CLEC6A: variants seen among roughly 807,000 people sequenced by gnomAD.
CLEC6A encodes C-type lectin domain containing 6A.
In CLEC6A, 22 loss-of-function variants were observed where a neutral mutation model predicts 25.7. The ratio of observed to expected loss-of-function variants is 0.85; its 90% CI spans 0.61 to 1.22. The LOEUF (loss-of-function observed/expected upper bound fraction) is 1.22, where lower values mean the gene tolerates loss of function less well. Ranked by LOEUF, CLEC6A falls within the 50% of genes most tolerant of loss-of-function variation. CLEC6A has a pLI of 0.00. For synonymous variants in CLEC6A, 92 were observed against 76.7 expected, an observed-to-expected ratio of 1.20 and a Z score of -1.04; for missense variants, 240 against 236.8, an observed-to-expected ratio of 1.01 and a Z score of -0.09.
At chr12:8,461,518 G>A (rs1428305634) in intron 3 of CLEC6A, among the ~76,000 whole-genome samples, 1 of 152,102 alleles carries the variant, frequency 6.6e-6, no homozygotes, top group Non-Finnish European at 1.5e-5. Context: ...TGCCCCCTAA[G>A]TATATCCAAT....
intron 3 of CLEC6A, chr12:8,460,797 T>A: frequency 7.9e-7 from 1 of 1,272,298 alleles, no homozygotes; most frequent in Non-Finnish European, 1.1e-6. Flanking sequence ...AAGGTTACCT[T>A]ATATATAGGA....
At chr12:8,461,349 A>G (rs1014202660) in intron 3 of CLEC6A, 4 of 451,870 alleles carry the variant, frequency 8.9e-6, no homozygotes, top group African/African-American at 5.9e-5. Flanking sequence ...CTTCTCACCT[A>G]TGTGGAACAC....
chr12:8,474,736 A>G (rs1939947451), intron 4 of CLEC6A, among the ~76,000 whole-genome samples: 1 of 152,204 alleles, frequency 6.6e-6, no homozygotes, highest in African/African-American at 2.4e-5. Flanking sequence ...TTATAGGAAA[A>G]CAATCTGGAC....
intron 4 of CLEC6A, among the ~76,000 whole-genome samples, chr12:8,473,380 A>G (rs1207237971): frequency 1.3e-5 from 2 of 152,182 alleles, no homozygotes; most frequent in African/African-American, 4.8e-5. Context: ...CTCCAGCTGC[A>G]TCCATGTTGC....
Position 8,459,702 on chromosome 12 carries a change from A to T in CLEC6A, c.223+4A>T. The stretch of plus-strand genomic sequence containing the variant: ...AGTGAAGGGACAAAGGTGCCAGGTA[A>T]ATCTTTAAAATACTGAAATAGACTT... On this transcript the variant is annotated splice_donor_region_variant and intron_variant, in intron 3 of 5. Transcript: ENST00000382073. The T allele has an allele frequency of 6.4e-7, 1 of 1,564,002 alleles. No homozygotes were observed. Among genetic ancestry groups the T allele is most frequent in the Non-Finnish European group, 8.8e-7 (1 of 1,134,442 alleles).
chr12:8,472,994 C>CTTTTTTTTTTT lies in CLEC6A; in HGVS notation c.370-3122_370-3112dup, dbSNP rs746059514. On this transcript the variant is annotated intron_variant, in intron 4 of 5. Transcript: ENST00000382073. ...AGTACTCAGTGTTTAGCTCCTACTT[C>CTTTTTTTTTTT]TTTTTTTTTTTTTTTTTTTGAGACG... 3.4e-3 allele frequency among the ~76,000 whole-genome samples: 12 copies of CTTTTTTTTTTT among 3,580 alleles called. 5 individuals are homozygous for CTTTTTTTTTTT. Among genetic ancestry groups the CTTTTTTTTTTT allele is most frequent in the African/African-American group, 5.6e-3 (12 of 2,158 alleles). The allele number at this position is 3,580 out of a possible 152,430, so 2.3% of individuals were successfully genotyped here.
intron 4 of CLEC6A, 127 bp from the exon 5 acceptor site, chr12:8,475,998 A>G (rs1939968579): frequency 5.3e-6 from 3 of 564,032 alleles, no homozygotes; most frequent in Admixed American, 6.7e-5. Context: ...TCAGAAGGCC[A>G]TCATGTGACT....
chr12:8,471,351 G>A (rs143345866), intron 4 of CLEC6A, among the ~76,000 whole-genome samples: 451 of 152,102 alleles, frequency 3.0e-3, no homozygotes, highest in South Asian at 7.7e-3. Context: ...ATTGTTTCAG[G>A]AGGATTAGTG....
At chr12:8,469,830 T>G (rs1453207807) in intron 4 of CLEC6A, among the ~76,000 whole-genome samples, 1 of 152,062 alleles carries the variant, frequency 6.6e-6, no homozygotes, top group South Asian at 2.1e-4. Flanking sequence ...CCATAAAAAT[T>G]CTAGAAGATA....
intron 4 of CLEC6A, among the ~76,000 whole-genome samples, chr12:8,474,282 G>T (rs4883164): frequency 0.78 from 118,387 of 152,030 alleles, 46,485 homozygotes; most frequent in East Asian, 0.99. Context: ...TTTATTCTTC[G>T]GCATATGATT....
chr12:8,463,034 C>A (rs1390062678), intron 3 of CLEC6A, among the ~76,000 whole-genome samples: 1 of 152,154 alleles, frequency 6.6e-6, no homozygotes, highest in Non-Finnish European at 1.5e-5. Context: ...AATACTATTA[C>A]AAAGTGTTAA....
chr12:8,458,689 A>T (rs1480442670), intron 2 of CLEC6A, among the ~76,000 whole-genome samples: 1 of 152,218 alleles, frequency 6.6e-6, no homozygotes, highest in East Asian at 1.9e-4. Flanking sequence ...TAAAATACAA[A>T]TAATTATCAC....
intron 4 of CLEC6A, among the ~76,000 whole-genome samples, chr12:8,470,980 G>A (rs1295291329): frequency 6.6e-6 from 1 of 151,976 alleles, no homozygotes; most frequent in East Asian, 1.9e-4. Context: ...TCTGTTCCTT[G>A]TTTGCTGAGT....
At position 8,459,578 on chromosome 12, in the gene CLEC6A, C is replaced by T; in HGVS notation, c.122-19C>T. 6.8e-7 allele frequency: 1 copy of T among 1,475,464 alleles called. No homozygotes were observed. The highest frequency in any genetic ancestry group is 1.1e-5 in the South Asian group (1 of 88,362). The allele number at this position is 1,475,464 out of a possible 1,614,324, so 91.4% of individuals were successfully genotyped here. A position where few individuals can be genotyped will look rare whatever the true frequency, so the allele number is the denominator to read the frequency against. ...AGCAAAATAATAGATGGACACTAAT[C>T]CTTCTTCTTCCTTTACAGTAACTTA... On this transcript the variant is annotated intron_variant, in intron 2 of 5. Transcript: ENST00000382073.
chr12:8,466,522 C>T (rs963708382), intron 4 of CLEC6A, among the ~76,000 whole-genome samples: 12 of 152,192 alleles, frequency 7.9e-5, no homozygotes, highest in African/African-American at 2.9e-4. Flanking sequence ...AAGGGTCTCA[C>T]TTCACATTCT....
At chr12:8,465,207 T>A (rs1330565543) in intron 3 of CLEC6A, among the ~76,000 whole-genome samples, 1 of 151,212 alleles carries the variant, frequency 6.6e-6, no homozygotes, top group Non-Finnish European at 1.5e-5. Flanking sequence ...GTGCTGATAA[T>A]GTATAAGGGA....
intron 3 of CLEC6A, chr12:8,460,549 C>A: frequency 1.3e-6 from 1 of 782,442 alleles, no homozygotes; most frequent in South Asian, 1.6e-5. Flanking sequence ...AGAACCAAAC[C>A]ATATCAGTCA....
chr12:8,461,275 G>A, intron 3 of CLEC6A: 1 of 579,444 alleles, frequency 1.7e-6, no homozygotes, highest in Non-Finnish European at 3.1e-6. Flanking sequence ...AAGCAATTTA[G>A]GACAGTCAAA....
chr12:8,469,186 A>T (rs1939873548), intron 4 of CLEC6A, among the ~76,000 whole-genome samples: 1 of 152,198 alleles, frequency 6.6e-6, no homozygotes, highest in Admixed American at 6.5e-5. Context: ...CCCCTTTTAC[A>T]GTAGCTGCAA....
Sources: gnomAD v4.1 joint callset for allele counts (sites outside exome capture counted in the v4.1 genomes callset) on GRCh38, gnomAD v4.1.1 for gene constraint, MANE v1.5 for transcripts, NCBI Gene and HGNC (gene_info 2026-07-23, HGNC 2026-07-21) for gene names.